Variants in GMPS observed in about 807,000 individuals in gnomAD.
GMPS encodes the protein guanosine monophosphate synthase, also known as GMP synthase [glutamine-hydrolyzing].
In GMPS, 15 loss-of-function variants were observed where a neutral mutation model predicts 77.9. The observed-to-expected ratio is 0.19, with a 90% CI of 0.13 to 0.30. GMPS has a LOEUF of 0.30. GMPS is among the 10% of genes least tolerant of loss of function. The pLI is 1.00. For missense variants in GMPS, 590 were observed against 838.8 expected (o/e 0.70, Z 3.66); for synonymous variants, 224 against 275.9 (o/e 0.81, Z 1.86).
In GMPS at chr3:155,941,691, T is replaced by A. The variant is rs1755896503; in HGVS notation, c.*3999T>A. 4.5e-6 allele frequency: 1 copy of A among 222,954 alleles called. No individual in the cohort carries two copies. The highest frequency in any genetic ancestry group is 9.0e-6 in the Non-Finnish European group (1 of 111,632). 13.8% of individuals were successfully genotyped at this position (222,954 alleles called of 1,614,324 possible). ...AATGGGGAACTGAATACAAGTTGGA[T>A]GTCTCCACCCTTGGAAAGCACATCT... On this transcript the variant is annotated 3_prime_UTR_variant, in exon 16 of 16. Coordinates refer to ENST00000496455, the MANE Select transcript of GMPS (RefSeq NM_003875.3).
At chr3:155,870,025 C>T (rs1199505077), upstream of GMPS, among the ~76,000 whole-genome samples, 2 of 152,184 alleles carry the variant, frequency 1.3e-5, no homozygotes, top group South Asian at 2.1e-4. Context: ...GTTCCCTGGG[C>T]CAGCTGCTCA....
chr3:155,920,056 C>T (rs547119186), intron 10 of GMPS, among the ~76,000 whole-genome samples: 5 of 152,252 alleles, frequency 3.3e-5, no homozygotes, highest in African/African-American at 1.2e-4. Flanking sequence ...TTTCTATGTG[C>T]TAGGCACTCT....
chr3:155,903,158 G>C (rs886500543), intron 3 of GMPS, among the ~76,000 whole-genome samples: 4 of 152,228 alleles, frequency 2.6e-5, no homozygotes, highest in African/African-American at 9.6e-5. Flanking sequence ...ATGAGTGGGA[G>C]TGTTTATATC....
rs1254861492 is a variant in GMPS at position 155,874,749 on chromosome 3, T to C, written c.27+3852T>C. ...CTTTTAAGAATTTTTACAAAAAGTA[T>C]AGACTTGTCTTATACTTGTACAAAT... On this transcript the variant is annotated intron_variant, in intron 1 of 15. Transcript: ENST00000496455. Among the ~76,000 whole-genome samples, 7 of 152,300 alleles carry C rather than the reference T, an allele frequency of 4.6e-5. No individual in the cohort carries two copies. The South Asian group carries it at 6.2e-4, about 14-fold the overall frequency.
rs183188405 is a variant in GMPS, at chr3:155,895,718, A to G, written c.209+2019A>G. ...CAGGTTACTTTCAGAATAGCAGGAT[A>G]GAAATGGAAGGCTCAAAGAGTGATT... is the stretch of plus-strand genomic sequence containing the variant. On this transcript the variant is annotated intron_variant, in intron 2 of 15. Transcript: ENST00000496455. Among the ~76,000 whole-genome samples, 397 of 152,376 alleles carry G rather than the reference A, an allele frequency of 2.6e-3. 1 individual carries two copies. Among genetic ancestry groups the G allele is most frequent in the Non-Finnish European group, 4.6e-3 (310 of 68,038 alleles).
intron 13 of GMPS, 130 bp from the exon 14 acceptor site, chr3:155,934,786 G>C: frequency 1.6e-6 from 1 of 642,372 alleles, no homozygotes. Context: ...AAGTGGGCAG[G>C]AGAAGGGCCT....
chr3:155,881,168 T>G lies in GMPS; in HGVS notation c.27+10271T>G, dbSNP rs1455546005. Reference sequence around the variant, plus strand: ...GCTATGGATGCTTTGATATTAGTTTTTTTTTTTTTTTTTTTTTTTTTGAGA... The same window carrying G: ...GCTATGGATGCTTTGATATTAGTTTGTTTTTTTTTTTTTTTTTTTTTGAGA... On this transcript the variant is annotated intron_variant, in intron 1 of 15. Coordinates refer to ENST00000496455, the MANE Select transcript of GMPS (RefSeq NM_003875.3). Among the ~76,000 whole-genome samples the G allele has an allele frequency of 2.8e-5, 4 of 141,278 alleles. 1 individual carries two copies. Among genetic ancestry groups the G allele is most frequent in the South Asian group, 4.6e-4 (2 of 4,340 alleles). 92.7% of individuals were successfully genotyped at this position (141,278 alleles called of 152,430 possible).
intron 1 of GMPS, among the ~76,000 whole-genome samples, chr3:155,877,797 CTTT>C (rs35973380): frequency 1.7e-4 from 19 of 113,052 alleles, no homozygotes; most frequent in East Asian, 4.9e-4. Context: ...ACCTTGGGGC[CTTT>C]TTTTTTTTTT....
intron 3 of GMPS, 117 bp from the exon 4 acceptor site, chr3:155,903,746 G>A (rs1754790604): frequency 2.0e-6 from 1 of 501,804 alleles, no homozygotes. Context: ...CTTTTATTTT[G>A]GGGATACAGG....
chr3:155,939,456 C>A lies in GMPS; in HGVS notation c.*1764C>A, dbSNP rs1274555484. ...AGAATGTGTGTTCTATGGAACACTGCTCCACTGAGAAGGTCCATGTAAAAA... is the reference window on the plus strand; with the variant it reads ...AGAATGTGTGTTCTATGGAACACTGATCCACTGAGAAGGTCCATGTAAAAA... On this transcript the variant is annotated 3_prime_UTR_variant, in exon 16 of 16. Transcript: ENST00000496455. The A allele has an allele frequency of 4.9e-6, 1 of 204,536 alleles. No individual in the cohort carries two copies. Among genetic ancestry groups the A allele is most frequent in the Non-Finnish European group, 1.0e-5 (1 of 99,782 alleles). 12.7% of individuals were successfully genotyped at this position (204,536 alleles called of 1,614,324 possible).
intron 7 of GMPS, 35 bp from the exon 8 acceptor site, chr3:155,914,384 A>G (rs1419290847): frequency 6.2e-6 from 9 of 1,444,262 alleles, no homozygotes; most frequent in Non-Finnish European, 8.3e-6. Flanking sequence ...AAAACATGTT[A>G]TACCAATTTA....
In GMPS at chr3:155,942,120, GT is replaced by G. The variant is rs1429032237; in HGVS notation, c.*4429del. 8 of 189,356 alleles carry G rather than the reference GT, an allele frequency of 4.2e-5. No individual in the cohort carries two copies. The South Asian group carries it at 1.4e-3, about 32-fold the overall frequency. 11.7% of individuals were successfully genotyped at this position (189,356 alleles called of 1,614,324 possible). A position where few individuals can be genotyped will look rare whatever the true frequency, so the allele number is the denominator to read the frequency against. ...TGTTTTGTTTTTTTTTTAAGACAGA[GT>G]CTCGCTCTGTCCCCAAGTGCAGTGG... On this transcript the variant is annotated 3_prime_UTR_variant, in exon 16 of 16. Transcript: ENST00000496455.
intron 1 of GMPS, among the ~76,000 whole-genome samples, chr3:155,888,344 G>T (rs1204791313): frequency 6.6e-6 from 1 of 151,542 alleles, no homozygotes; most frequent in Non-Finnish European, 1.5e-5. Flanking sequence ...AGCTACTATA[G>T]AAATAGTACA....
At chr3:155,924,892 A>T (rs1233472131) in intron 11 of GMPS, among the ~76,000 whole-genome samples, 4 of 135,580 alleles carry the variant, frequency 3.0e-5, no homozygotes, top group Non-Finnish European at 6.6e-5. Context: ...CCAGGTAAAT[A>T]AAAAAAAAGA....
Position 155,938,137 on chromosome 3 carries a change from T to TATAATCTTATA in GMPS, c.*447_*448insAATCTTATAAT, listed in dbSNP as rs778423209. 1 of 225,618 alleles carries TATAATCTTATA rather than the reference T, an allele frequency of 4.4e-6. No homozygotes were observed. Among genetic ancestry groups the TATAATCTTATA allele is most frequent in the Non-Finnish European group, 8.8e-6 (1 of 113,402 alleles). 14.0% of individuals were successfully genotyped at this position (225,618 alleles called of 1,614,324 possible). ...GAATCAGTTTTCTTATAAGTAATCTTATTTCTCCAAAGGGTGAAAAAGAGA... is the reference window on the plus strand; with the variant it reads ...GAATCAGTTTTCTTATAAGTAATCTTATAATCTTATAATTTCTCCAAAGGGTGAAAAAGAGA... On this transcript the variant is annotated 3_prime_UTR_variant, in exon 16 of 16. Transcript: ENST00000496455.
chr3:155,943,839 G>C lies in GMPS; in HGVS notation c.*6147G>C, dbSNP rs932492784. ...TGGGACATAAGAAATTGCATATAGT[G>C]TCAAGGGTTTCTATATAACAACTTA... On this transcript the variant is annotated 3_prime_UTR_variant, in exon 16 of 16. Transcript: ENST00000496455. 2 of 154,412 alleles carry C rather than the reference G, an allele frequency of 1.3e-5. No individual in the cohort carries two copies. The highest frequency in any genetic ancestry group is 4.8e-5 in the African/African-American group (2 of 41,526). The allele number at this position is 154,412 out of a possible 1,614,324, so 9.6% of individuals were successfully genotyped here.
chr3:155,918,617 CT>C (rs140429439), intron 9 of GMPS, among the ~76,000 whole-genome samples: 3 of 151,888 alleles, frequency 2.0e-5, no homozygotes, highest in South Asian at 2.1e-4. Context: ...TCCTTTGCTC[CT>C]TTTTTTAAAA....
At chr3:155,883,973 C>T (rs377458047) in intron 1 of GMPS, among the ~76,000 whole-genome samples, 35 of 151,976 alleles carry the variant, frequency 2.3e-4, no homozygotes, top group African/African-American at 5.8e-4. Context: ...TTTAAACCTA[C>T]GCAAAGATAA....
chr3:155,924,494 TC>T (rs1345259388), intron 11 of GMPS, among the ~76,000 whole-genome samples: 1 of 152,224 alleles, frequency 6.6e-6, no homozygotes, highest in Non-Finnish European at 1.5e-5. Flanking sequence ...AGATTGATTA[TC>T]TTTTAAGTAT....
Sources: allele counts gnomAD v4.1 joint callset (sites outside exome capture counted in the v4.1 genomes callset), GRCh38; gene constraint gnomAD v4.1.1; transcripts MANE v1.5; gene names NCBI Gene and HGNC (gene_info 2026-07-23, HGNC 2026-07-21).